RGS7: variants seen among roughly 807,000 people sequenced by gnomAD.
RGS7 encodes the protein regulator of G-protein signaling 7.
A neutral mutation model predicts 81.1 loss-of-function variants in RGS7; 27 were observed. The observed-to-expected ratio is 0.33, with a 90% CI of 0.25 to 0.46. RGS7 has a LOEUF of 0.46. Ranked by LOEUF, RGS7 falls within the 20% of genes least tolerant of loss-of-function variation. RGS7 has a pLI of 1.00. For missense variants in RGS7, 396 were observed against 607.4 expected (o/e 0.65, Z 3.66); for synonymous variants, 208 against 207.7 (o/e 1.00, Z -0.01).
At chr1:240,908,724 G>A (rs1425550430) in intron 6 of RGS7, among the ~76,000 whole-genome samples, 1 of 152,158 alleles carries the variant, frequency 6.6e-6, no homozygotes, top group Admixed American at 6.5e-5. Flanking sequence ...AAAGGTACCT[G>A]CTTACCTGAT....
chr1:240,933,835 C>A lies in RGS7; in HGVS notation c.333+2765G>T, dbSNP rs563502838. Among the ~76,000 whole-genome samples the A allele has an allele frequency of 8.6e-5, 13 of 151,930 alleles. 1 individual carries two copies. The South Asian group carries it at 1.9e-3, about 22-fold the overall frequency. On this transcript the variant is annotated intron_variant, in intron 5 of 18. Transcript: ENST00000440928. ...GGATGATTAGACAATTGTGACTTTA[C>A]GGTAAATTTAAAAAATCACATGATT...
In RGS7 at chr1:241,302,477, A is replaced by G. The variant is rs573186635; in HGVS notation, c.78+53222T>C. Among the ~76,000 whole-genome samples the G allele has an allele frequency of 3.7e-3, 557 of 152,252 alleles. 5 individuals are homozygous for G. Among genetic ancestry groups the G allele is most frequent in the African/African-American group, 0.012 (498 of 41,542 alleles). ...GGCAGGAGAATGGCCTGAACCCGGG[A>G]GGCGGAGCTTGCAGTGAGCCAAGAT... On this transcript the variant is annotated intron_variant, in intron 2 of 18. Transcript: ENST00000440928.
At chr1:241,282,545 G>A (rs972124420) in intron 2 of RGS7, among the ~76,000 whole-genome samples, 13 of 152,176 alleles carry the variant, frequency 8.5e-5, no homozygotes, top group East Asian at 3.9e-4. Context: ...CTTTCTGATC[G>A]AAATGTCCTT....
chr1:241,308,107 G>A (rs1573606924), intron 2 of RGS7, among the ~76,000 whole-genome samples: 4 of 151,824 alleles, frequency 2.6e-5, no homozygotes, highest in Non-Finnish European at 2.9e-5. Context: ...TTAAGGGCCC[G>A]TTTCAGGCAA....
intron 2 of RGS7, among the ~76,000 whole-genome samples, chr1:241,281,395 A>C (rs2078504098): frequency 6.6e-6 from 1 of 152,238 alleles, no homozygotes; most frequent in Non-Finnish European, 1.5e-5. Flanking sequence ...CCACACAGCC[A>C]GTTCGTCTCT....
chr1:240,817,570 G>A (rs1691032156), intron 10 of RGS7, among the ~76,000 whole-genome samples: 1 of 151,954 alleles, frequency 6.6e-6, no homozygotes, highest in South Asian at 2.1e-4. Flanking sequence ...TTTTGGATGT[G>A]GTTTTGCCCT....
intron 2 of RGS7, among the ~76,000 whole-genome samples, chr1:241,323,854 A>G (rs890680296): frequency 6.6e-6 from 1 of 152,214 alleles, no homozygotes; most frequent in African/African-American, 2.4e-5. Context: ...TAATAATATA[A>G]TTTAACCTAC....
intron 2 of RGS7, 141 bp downstream of exon 2, chr1:241,355,558 T>G (rs2083508604): frequency 9.0e-6 from 7 of 779,126 alleles, no homozygotes; most frequent in Non-Finnish European, 1.4e-5. Flanking sequence ...TCAGATCACT[T>G]TCACGTATAT....
chr1:241,271,058 A>C lies in RGS7; in HGVS notation c.78+84641T>G, dbSNP rs1470744655. Among the ~76,000 whole-genome samples the C allele has an allele frequency of 6.6e-6, 1 of 152,184 alleles. No individual in the cohort carries two copies. The highest frequency in any genetic ancestry group is 2.4e-5 in the African/African-American group (1 of 41,444). On this transcript the variant is annotated intron_variant, in intron 2 of 18. Coordinates refer to ENST00000440928, the MANE Select transcript of RGS7 (RefSeq NM_001364886.1). The surrounding 1 kb of genome is among the most constrained non-coding windows in gnomAD (Gnocchi z 4.6). ...AGGTCCCATCCCTTTTAATTTCTGC[A>C]CGGGCCCTACTTTAAGTATCGCTGC...
chr1:241,312,037 T>C (rs1472946595), intron 2 of RGS7, among the ~76,000 whole-genome samples: 2 of 152,194 alleles, frequency 1.3e-5, no homozygotes, highest in African/African-American at 4.8e-5. Flanking sequence ...AGCATATTAT[T>C]TGAACCTCAC....
intron 2 of RGS7, among the ~76,000 whole-genome samples, chr1:241,141,891 T>G (rs558551560): frequency 1.3e-5 from 2 of 152,208 alleles, no homozygotes; most frequent in Non-Finnish European, 2.9e-5. Context: ...CTCTTCCACC[T>G]ATGAGCCTGT....
chr1:241,002,074 A>C (rs1688227566), intron 3 of RGS7, among the ~76,000 whole-genome samples: 1 of 152,126 alleles, frequency 6.6e-6, no homozygotes, highest in South Asian at 2.1e-4. Context: ...GAGGTATATG[A>C]GAGTAAGAGG....
chr1:241,028,425 G>A lies in RGS7; in HGVS notation c.176-45296C>T, dbSNP rs74149588. Among the ~76,000 whole-genome samples the A allele has an allele frequency of 3.7e-3, 571 of 152,282 alleles. 5 individuals are homozygous for A. Among genetic ancestry groups the A allele is most frequent in the African/African-American group, 0.013 (542 of 41,548 alleles). On this transcript the variant is annotated intron_variant, in intron 3 of 18. Transcript: ENST00000440928. Reference sequence around the variant, plus strand: ...CTATCCAAAGCTTTACTGTTGCAATGGTATTATGCAGTGAGGGAGGACACA... The same window carrying A: ...CTATCCAAAGCTTTACTGTTGCAATAGTATTATGCAGTGAGGGAGGACACA...
In RGS7 at chr1:241,182,825, T is replaced by TTTTGTTTGTTTG. The variant is rs71172686; in HGVS notation, c.79-84075_79-84064dup. On this transcript the variant is annotated intron_variant, in intron 2 of 18. Coordinates refer to ENST00000440928, the MANE Select transcript of RGS7 (RefSeq NM_001364886.1). ...TACCATACCGGGTTAATTTTTCGGTTTTTGTTTGTTTGTTTGTTTGTTTGT... is the reference window on the plus strand; with the variant it reads ...TACCATACCGGGTTAATTTTTCGGTTTTTGTTTGTTTGTTTGTTTGTTTGTTTGTTTGTTTGT... 2.8e-3 allele frequency among the ~76,000 whole-genome samples: 426 copies of TTTTGTTTGTTTG among 149,996 alleles called. 1 individual carries two copies. The highest frequency in any genetic ancestry group is 0.014 in the Middle Eastern group (4 of 286).
intron 2 of RGS7, among the ~76,000 whole-genome samples, chr1:241,151,089 T>C (rs2068714794): frequency 6.6e-6 from 1 of 152,098 alleles, no homozygotes; most frequent in Non-Finnish European, 1.5e-5. Context: ...AACATCAGGG[T>C]GGATCTTCCC....
intron 18 of RGS7, among the ~76,000 whole-genome samples, chr1:240,776,749 T>C (rs12410144): frequency 0.51 from 77,519 of 152,064 alleles, 22,836 homozygotes; most frequent in Non-Finnish European, 0.66. Context: ...ATTGAGTCTG[T>C]TCCCTATCTT....
intron 2 of RGS7, among the ~76,000 whole-genome samples, chr1:241,246,148 G>T (rs2076529231): frequency 6.6e-6 from 1 of 152,078 alleles, no homozygotes; most frequent in East Asian, 1.9e-4. Flanking sequence ...TGTCTGTGAT[G>T]ATGGGGTGTG....
intron 2 of RGS7, among the ~76,000 whole-genome samples, chr1:241,286,693 C>T (rs1278249036): frequency 6.6e-6 from 1 of 152,230 alleles, no homozygotes; most frequent in East Asian, 1.9e-4. Flanking sequence ...GCTTTCTGAA[C>T]AAGTGCCAGC....
chr1:241,277,030 A>G (rs1188213725), intron 2 of RGS7, among the ~76,000 whole-genome samples: 1 of 152,222 alleles, frequency 6.6e-6, no homozygotes, highest in East Asian at 1.9e-4. Flanking sequence ...GTGCATACAA[A>G]ATAGCATCCT....
Sources: allele counts gnomAD v4.1 joint callset (sites outside exome capture counted in the v4.1 genomes callset), GRCh38; gene constraint gnomAD v4.1.1; non-coding constraint Gnocchi (gnomAD v3.1); transcripts MANE v1.5; gene names NCBI Gene and HGNC (gene_info 2026-07-23, HGNC 2026-07-21).